The following CNNM1 variants were observed in gnomAD, a reference collection of about 807,000 sequenced individuals.
CNNM1 encodes metal transporter CNNM1.
CNNM1 carries 44 observed loss-of-function variants against 78.8 expected under a neutral mutation model. That is an observed-to-expected ratio of 0.56 (90% CI 0.44 to 0.72). CNNM1 has a LOEUF of 0.72. Ranked by LOEUF, CNNM1 falls within the 30% of genes least tolerant of loss-of-function variation. CNNM1 has a pLI of 0.00. For synonymous variants in CNNM1, 584 were observed against 581.5 expected (o/e 1.00, Z -0.06); for missense variants, 1,101 against 1,292.2 (o/e 0.85, Z 2.27).
intron 7 of CNNM1, among the ~76,000 whole-genome samples, chr10:99,384,691 C>T (rs913980110): frequency 3.3e-5 from 5 of 152,292 alleles, no homozygotes; most frequent in Admixed American, 6.5e-5. Context: ...GTCCTTTCCT[C>T]CCTGACAATG....
intron 1 of CNNM1, among the ~76,000 whole-genome samples, chr10:99,331,860 A>G (rs1173115784): frequency 6.6e-6 from 1 of 152,218 alleles, no homozygotes; most frequent in Admixed American, 6.5e-5. Flanking sequence ...AGGAGATCCT[A>G]GAAAACTTGC....
rs763179973 is a variant in CNNM1 at position 99,330,404 on chromosome 10, C to T, written c.1017C>T (p.Ala339=). ...GCACCGGCGCGGTATTCCTGGGCGC[C>T]GAAATCTGCCCCTACTCAGTGTGTT... ...LVCTGAVFLG[A]EICPYSVCSR... Residue 339 remains alanine (A), a synonymous_variant, in exon 1 of 11, where the codon GCC becomes GCT. Transcript: ENST00000356713. 7.5e-6 allele frequency: 12 copies of T among 1,592,486 alleles called. No individual in the cohort carries two copies. The highest frequency in any genetic ancestry group is 2.3e-5 in the East Asian group (1 of 43,766).
intron 6 of CNNM1, among the ~76,000 whole-genome samples, chr10:99,375,358 A>G (rs2031929619): frequency 6.6e-6 from 1 of 152,164 alleles, no homozygotes; most frequent in Non-Finnish European, 1.5e-5. Flanking sequence ...GTGGAGACAG[A>G]GATAGGACCG....
chr10:99,334,438 A>G (rs12768673), intron 1 of CNNM1, among the ~76,000 whole-genome samples: 1 of 152,110 alleles, frequency 6.6e-6, no homozygotes, highest in Non-Finnish European at 1.5e-5. Flanking sequence ...GGATCACCTG[A>G]GGTCAGGAGT....
chr10:99,362,542 A>C (rs1346442294), intron 4 of CNNM1, 146 bp downstream of exon 4: 1 of 750,080 alleles, frequency 1.3e-6, no homozygotes, highest in African/African-American at 1.8e-5. Context: ...TTTCTTCATG[A>C]CCCACAGGAG....
chr10:99,334,782 T>C (rs1312043720), intron 1 of CNNM1, among the ~76,000 whole-genome samples: 1 of 152,126 alleles, frequency 6.6e-6, no homozygotes, highest in Admixed American at 6.5e-5. Context: ...AAGAGGAAAA[T>C]GACGATATTA....
At chr10:99,357,329 A>G (rs1447308739) in intron 1 of CNNM1, among the ~76,000 whole-genome samples, 183 bp from the exon 2 acceptor site, 4 of 152,234 alleles carry the variant, frequency 2.6e-5, no homozygotes, top group Non-Finnish European at 5.9e-5. Context: ...TAGAAGAATA[A>G]GGTTTGCATT....
chr10:99,352,673 T>TA (rs1352677382), intron 1 of CNNM1, among the ~76,000 whole-genome samples: 1 of 152,250 alleles, frequency 6.6e-6, no homozygotes, highest in Non-Finnish European at 1.5e-5. Context: ...TTTGGAGAAA[T>TA]ATCTGTTCAA....
chr10:99,353,612 A>G (rs1042841500), intron 1 of CNNM1, among the ~76,000 whole-genome samples: 2 of 152,126 alleles, frequency 1.3e-5, no homozygotes, highest in African/African-American at 2.4e-5. Flanking sequence ...CCAACCTTTC[A>G]TGAGTGTGTG....
At chr10:99,364,855 G>T in intron 5 of CNNM1, 100 bp from the exon 6 acceptor site, 1 of 1,130,790 alleles carries the variant, frequency 8.8e-7, no homozygotes. Context: ...GGTTTTTACA[G>T]GGTTAATTGG....
chr10:99,380,991 A>C (rs1293107264), intron 7 of CNNM1, among the ~76,000 whole-genome samples: 1 of 152,168 alleles, frequency 6.6e-6, no homozygotes, highest in Non-Finnish European at 1.5e-5. Flanking sequence ...GTCCAAACAG[A>C]AGACTTTGCT....
At chr10:99,363,061 C>T (rs538073712) in intron 4 of CNNM1, among the ~76,000 whole-genome samples, 1 of 152,328 alleles carries the variant, frequency 6.6e-6, no homozygotes, top group South Asian at 2.1e-4. Flanking sequence ...ATGATTGCAG[C>T]TTGTAACACT....
At chr10:99,390,811 T>C (rs1021734673) in intron 10 of CNNM1, among the ~76,000 whole-genome samples, 26 of 152,218 alleles carry the variant, frequency 1.7e-4, no homozygotes, top group Admixed American at 4.6e-4. Flanking sequence ...CTTTAAAGAA[T>C]TGGTGTCCAG....
intron 4 of CNNM1, among the ~76,000 whole-genome samples, chr10:99,362,619 A>T (rs1158199080): frequency 6.6e-6 from 1 of 152,180 alleles, no homozygotes; most frequent in Non-Finnish European, 1.5e-5. Flanking sequence ...TTGACAACTC[A>T]GCGATGTTTG....
chr10:99,344,161 C>T (rs543256214), intron 1 of CNNM1, among the ~76,000 whole-genome samples: 7 of 151,318 alleles, frequency 4.6e-5, no homozygotes, highest in South Asian at 2.1e-4. Context: ...GGTGAAACCC[C>T]GTCTCTACAA....
chr10:99,350,061 G>A (rs1421604016), intron 1 of CNNM1, among the ~76,000 whole-genome samples: 1 of 152,136 alleles, frequency 6.6e-6, no homozygotes, highest in Non-Finnish European at 1.5e-5. Context: ...GCAAGATCCT[G>A]ATTCCGTAGG....
chr10:99,368,608 G>A, intron 6 of CNNM1: 4 of 1,289,488 alleles, frequency 3.1e-6, no homozygotes, highest in Non-Finnish European at 4.0e-6. Flanking sequence ...CTTGGCCCCT[G>A]ACTCTTTAGT....
At chr10:99,356,129 A>G (rs1247426748) in intron 1 of CNNM1, among the ~76,000 whole-genome samples, 1 of 152,190 alleles carries the variant, frequency 6.6e-6, no homozygotes, top group Non-Finnish European at 1.5e-5. Context: ...TCTGCTTCAC[A>G]GTGTCTGGGG....
At chr10:99,364,812 A>G (rs1241476194) in intron 5 of CNNM1, 143 bp from the exon 6 acceptor site, 3 of 767,020 alleles carry the variant, frequency 3.9e-6, no homozygotes, top group African/African-American at 3.5e-5. Context: ...TTTGCTTTTT[A>G]TACTTGTTCC....
Sources: gnomAD v4.1 joint callset for allele counts (sites outside exome capture counted in the v4.1 genomes callset) on GRCh38, gnomAD v4.1.1 for gene constraint, MANE v1.5 for transcripts, NCBI Gene and HGNC (gene_info 2026-07-23, HGNC 2026-07-21) for gene names.